Variants in RSRC1 observed in about 807,000 individuals in gnomAD.
RSRC1 encodes serine/Arginine-related protein 53.
Under a neutral mutation model 49.1 loss-of-function variants are expected in RSRC1, and 39 were observed. The ratio of observed to expected loss-of-function variants is 0.79; its 90% CI spans 0.61 to 1.04. The LOEUF (loss-of-function observed/expected upper bound fraction) is 1.04. RSRC1 is among the 50% of genes least tolerant of loss of function. The pLI is 0.00. For missense variants in RSRC1, 388 were observed against 402.4 expected (o/e 0.96, Z 0.31); for synonymous variants, 143 against 130.8 (o/e 1.09, Z -0.63).
intron 6 of RSRC1, among the ~76,000 whole-genome samples, chr3:158,366,823 C>G (rs951907736): frequency 6.6e-6 from 1 of 152,114 alleles, no homozygotes; most frequent in Admixed American, 6.6e-5. Flanking sequence ...TCTCTTATTT[C>G]CTCGAGCAGT....
chr3:158,421,026 T>G (rs1235696436), intron 6 of RSRC1, among the ~76,000 whole-genome samples: 3 of 151,930 alleles, frequency 2.0e-5, no homozygotes, highest in Non-Finnish European at 4.4e-5. Context: ...TCATTCGTTT[T>G]TTTTCTTCTG....
chr3:158,212,591 T>C (rs1169118244), intron 4 of RSRC1, among the ~76,000 whole-genome samples: 1 of 151,932 alleles, frequency 6.6e-6, no homozygotes, highest in Non-Finnish European at 1.5e-5. Context: ...TCTGTTGATT[T>C]TGTATATGGT....
At chr3:158,319,844 A>G (rs768234721) in intron 5 of RSRC1, among the ~76,000 whole-genome samples, 1 of 152,182 alleles carries the variant, frequency 6.6e-6, no homozygotes, top group African/African-American at 2.4e-5. Flanking sequence ...AAGGAAAAGT[A>G]TCTCTATTCT....
chr3:158,375,757 A>G lies in RSRC1; in HGVS notation c.583+20849A>G, dbSNP rs192532659. ...GCCTGTGTTCATTCTTTTAAATTTT[A>G]CTTCCTATCACCTCTTCACTTTGGA... On this transcript the variant is annotated intron_variant, in intron 6 of 9. Transcript: ENST00000611884. Among the ~76,000 whole-genome samples the G allele has an allele frequency of 3.9e-5, 6 of 152,256 alleles. No individual in the cohort carries two copies. The East Asian group carries it at 1.2e-3, about 29-fold the overall frequency.
chr3:158,154,952 T>A (rs1332850889), intron 3 of RSRC1, among the ~76,000 whole-genome samples: 2 of 152,342 alleles, frequency 1.3e-5, no homozygotes, highest in East Asian at 3.9e-4. Context: ...TTGTTCACAT[T>A]TGATCATGAA....
chr3:158,509,868 T>C (rs1254011410), intron 7 of RSRC1, among the ~76,000 whole-genome samples: 3 of 152,196 alleles, frequency 2.0e-5, no homozygotes. Flanking sequence ...TTCAGATTTT[T>C]TGCTATTAAA....
At chr3:158,178,282 G>A (rs2108248213) in intron 3 of RSRC1, among the ~76,000 whole-genome samples, 1 of 152,148 alleles carries the variant, frequency 6.6e-6, no homozygotes, top group Middle Eastern at 3.4e-3. Flanking sequence ...GGGACTACAG[G>A]TGCATGCCAC....
chr3:158,502,211 A>T (rs569163081), intron 7 of RSRC1, among the ~76,000 whole-genome samples: 1 of 152,308 alleles, frequency 6.6e-6, no homozygotes, highest in East Asian at 1.9e-4. Flanking sequence ...GCTAGTTTGT[A>T]GGGTTTCTGC....
At chr3:158,435,860 C>A (rs566780848) in intron 6 of RSRC1, among the ~76,000 whole-genome samples, 5 of 151,612 alleles carry the variant, frequency 3.3e-5, no homozygotes, top group African/African-American at 1.2e-4. Flanking sequence ...TATATATCCA[C>A]ACATATATCT....
chr3:158,197,370 C>T (rs1183527902), intron 3 of RSRC1, among the ~76,000 whole-genome samples: 2 of 151,804 alleles, frequency 1.3e-5, no homozygotes, highest in African/African-American at 2.4e-5. Context: ...TTTTTTATTG[C>T]GTCTATTGGA....
chr3:158,284,998 GT>G (rs1726428621), intron 4 of RSRC1, among the ~76,000 whole-genome samples: 1 of 152,128 alleles, frequency 6.6e-6, no homozygotes, highest in South Asian at 2.1e-4. Context: ...TATTGCCTAG[GT>G]TTTCTTCTAG....
chr3:158,520,012 A>G (rs1711568069), intron 7 of RSRC1, among the ~76,000 whole-genome samples: 1 of 152,174 alleles, frequency 6.6e-6, no homozygotes, highest in South Asian at 2.1e-4. Context: ...TCAGGAATGA[A>G]GAAGTGGTCA....
intron 3 of RSRC1, among the ~76,000 whole-genome samples, chr3:158,146,280 C>T: frequency 6.6e-6 from 1 of 152,058 alleles, no homozygotes; most frequent in East Asian, 1.9e-4. Flanking sequence ...ATTAATAGCT[C>T]TTATTATTTT....
At chr3:158,373,712 T>C (rs1732205319) in intron 6 of RSRC1, among the ~76,000 whole-genome samples, 1 of 152,030 alleles carries the variant, frequency 6.6e-6, no homozygotes, top group Non-Finnish European at 1.5e-5. Flanking sequence ...ACATAATTCC[T>C]TACAGGTAAG....
At chr3:158,148,124 T>C (rs555403150) in intron 3 of RSRC1, among the ~76,000 whole-genome samples, 21 of 152,338 alleles carry the variant, frequency 1.4e-4, no homozygotes, top group African/African-American at 5.1e-4. Context: ...ACCTATTATC[T>C]GGGATTATAA....
At chr3:158,345,460 C>T (rs1431678596) in intron 5 of RSRC1, among the ~76,000 whole-genome samples, 1 of 152,026 alleles carries the variant, frequency 6.6e-6, no homozygotes. Context: ...CAGGCTAAAA[C>T]TTAGTAATGT....
intron 6 of RSRC1, among the ~76,000 whole-genome samples, chr3:158,444,925 A>G (rs1429336453): frequency 6.6e-6 from 1 of 152,238 alleles, no homozygotes; most frequent in African/African-American, 2.4e-5. Context: ...ACTGGCCATC[A>G]GAAAAATGCA....
At chr3:158,278,948 C>A (rs1190833015) in intron 4 of RSRC1, among the ~76,000 whole-genome samples, 2 of 152,066 alleles carry the variant, frequency 1.3e-5, no homozygotes, top group Non-Finnish European at 2.9e-5. Context: ...TAAAAATCAA[C>A]ATATATGCTA....
intron 6 of RSRC1, among the ~76,000 whole-genome samples, chr3:158,409,249 G>A (rs1164120297): frequency 1.3e-5 from 2 of 151,974 alleles, no homozygotes; most frequent in Non-Finnish European, 2.9e-5. Context: ...AAGTTTGCCT[G>A]TGTAACAAAC....
Sources: gnomAD v4.1 joint callset for allele counts (sites outside exome capture counted in the v4.1 genomes callset) on GRCh38, gnomAD v4.1.1 for gene constraint, MANE v1.5 for transcripts, NCBI Gene and HGNC (gene_info 2026-07-23, HGNC 2026-07-21) for gene names.